OPCML: variants seen among roughly 807,000 people sequenced by gnomAD.
The protein encoded by OPCML is opioid-binding protein/cell adhesion molecule.
In OPCML, 13 loss-of-function variants were observed where a neutral mutation model predicts 37.8. The ratio of observed to expected loss-of-function variants is 0.34; its 90% confidence interval spans 0.22 to 0.55. OPCML has a LOEUF of 0.55. Among genes scored for constraint, OPCML ranks in the 20% least tolerant of loss-of-function variants. The pLI is 0.91. For synonymous variants in OPCML, 176 were observed against 168.8 expected (o/e 1.04, Z -0.33); for missense variants, 341 against 435.6 (o/e 0.78, Z 1.93).
chr11:132,834,988 T>TAAA (rs11300115), intron 2 of OPCML, among the ~76,000 whole-genome samples: 2 of 142,970 alleles, frequency 1.4e-5, no homozygotes, highest in Admixed American at 7.0e-5. Context: ...TGGCACTTTG[T>TAAA]AAAAAAAAAA....
chr11:132,500,412 C>T (rs527495794), intron 4 of OPCML, among the ~76,000 whole-genome samples: 21 of 152,300 alleles, frequency 1.4e-4, no homozygotes, highest in African/African-American at 5.1e-4. Context: ...GGATATGTAA[C>T]TCCTGAACTT....
intron 2 of OPCML, among the ~76,000 whole-genome samples, chr11:132,819,845 A>G (rs534041763): frequency 1.3e-5 from 2 of 152,286 alleles, no homozygotes; most frequent in South Asian, 2.1e-4. Context: ...TCGCTAAAAA[A>G]CACATGTTTG....
At chr11:132,638,163 C>CTATATATATATATATATATATATATATA (rs71905540) in intron 3 of OPCML, among the ~76,000 whole-genome samples, 73 of 128,204 alleles carry the variant, frequency 5.7e-4, no homozygotes, top group Non-Finnish European at 8.7e-4. Context: ...TATATACAGA[C>CTATATATATATATATATATATATATATA]TATATATATA....
intron 1 of OPCML, among the ~76,000 whole-genome samples, chr11:133,274,865 G>A (rs1258491442): frequency 6.6e-6 from 1 of 152,142 alleles, no homozygotes; most frequent in East Asian, 1.9e-4. Context: ...AGAGATAAAC[G>A]CAAAGTACAG....
At chr11:132,742,794 G>A (rs1945477689) in intron 2 of OPCML, among the ~76,000 whole-genome samples, 1 of 148,660 alleles carries the variant, frequency 6.7e-6, no homozygotes, top group East Asian at 1.9e-4. Context: ...TATATATAAT[G>A]TACAAGTACT....
At chr11:132,978,511 C>T (rs1425608869) in intron 1 of OPCML, among the ~76,000 whole-genome samples, 4 of 152,072 alleles carry the variant, frequency 2.6e-5, no homozygotes, top group Non-Finnish European at 5.9e-5. Context: ...TCTTTTTGTC[C>T]CAGAGGGGTT....
chr11:133,002,527 G>A (rs1947023932), intron 1 of OPCML, among the ~76,000 whole-genome samples: 1 of 152,164 alleles, frequency 6.6e-6, no homozygotes, highest in African/African-American at 2.4e-5. Context: ...TATCAAATAA[G>A]GAGGATGATG....
chr11:132,568,882 G>A (rs2137549858), intron 3 of OPCML, among the ~76,000 whole-genome samples: 1 of 152,202 alleles, frequency 6.6e-6, no homozygotes, highest in Non-Finnish European at 1.5e-5. Context: ...ATAAAATCAT[G>A]GATTTTAATT....
At chr11:133,226,453 C>T (rs1592122110) in intron 1 of OPCML, among the ~76,000 whole-genome samples, 1 of 152,214 alleles carries the variant, frequency 6.6e-6, no homozygotes, top group Non-Finnish European at 1.5e-5. Context: ...CAAACTCCTC[C>T]CAACCTCTTT....
intron 2 of OPCML, among the ~76,000 whole-genome samples, chr11:132,797,621 T>C (rs959695929): frequency 1.3e-5 from 2 of 152,230 alleles, no homozygotes; most frequent in African/African-American, 2.4e-5. Flanking sequence ...AATTTATGTT[T>C]ATATTATACT....
chr11:133,192,182 C>T (rs979117466), intron 1 of OPCML, among the ~76,000 whole-genome samples: 12 of 152,134 alleles, frequency 7.9e-5, no homozygotes, highest in African/African-American at 2.4e-4. Context: ...GATGAAGGGG[C>T]AGAATTATTT....
At chr11:132,725,111 TG>T (rs1190855919) in intron 2 of OPCML, among the ~76,000 whole-genome samples, 1 of 152,194 alleles carries the variant, frequency 6.6e-6, no homozygotes, top group Admixed American at 6.5e-5. Flanking sequence ...ACTCTGTGTG[TG>T]GGCTCCAACT....
At chr11:133,079,102 G>A (rs1368532655) in intron 1 of OPCML, among the ~76,000 whole-genome samples, 1 of 151,710 alleles carries the variant, frequency 6.6e-6, no homozygotes. Context: ...CCACATACAC[G>A]CCCGCCTGAA....
At chr11:132,561,105 T>A (rs895203941) in intron 3 of OPCML, among the ~76,000 whole-genome samples, 1 of 152,190 alleles carries the variant, frequency 6.6e-6, no homozygotes, top group African/African-American at 2.4e-5. Flanking sequence ...CCTAACTTAA[T>A]ACCAACACTC....
intron 3 of OPCML, among the ~76,000 whole-genome samples, chr11:132,655,468 G>T (rs1565750427): frequency 6.6e-6 from 1 of 152,212 alleles, no homozygotes; most frequent in Non-Finnish European, 1.5e-5. Flanking sequence ...TGTGACAGTT[G>T]TCTTGATCTC....
chr11:132,547,514 A>G (rs1477662625), intron 3 of OPCML, among the ~76,000 whole-genome samples: 2 of 152,180 alleles, frequency 1.3e-5, no homozygotes, highest in Non-Finnish European at 2.9e-5. Flanking sequence ...AAAAGTGAAC[A>G]GCCAGGTTCC....
intron 1 of OPCML, among the ~76,000 whole-genome samples, chr11:133,328,703 A>G (rs1447869229): frequency 6.6e-6 from 1 of 152,200 alleles, no homozygotes; most frequent in Non-Finnish European, 1.5e-5. Context: ...AGAGCTATCT[A>G]TGACAAACCC....
At chr11:132,700,254 G>C (rs749600570) in intron 2 of OPCML, among the ~76,000 whole-genome samples, 3 of 151,800 alleles carry the variant, frequency 2.0e-5, no homozygotes, top group Admixed American at 6.6e-5. Flanking sequence ...AAACAACTCT[G>C]TTTTAAATTG....
chr11:133,493,263 C>G (rs1017382718), intron 1 of OPCML, among the ~76,000 whole-genome samples: 2 of 152,238 alleles, frequency 1.3e-5, no homozygotes, highest in Non-Finnish European at 2.9e-5. Flanking sequence ...GCACGCCGGG[C>G]AGGCCTCAGG....
Sources: gnomAD v4.1 joint callset for allele counts (sites outside exome capture counted in the v4.1 genomes callset) on GRCh38, gnomAD v4.1.1 for gene constraint, MANE v1.5 for transcripts, NCBI Gene and HGNC (gene_info 2026-07-23, HGNC 2026-07-21) for gene names.